Variants in GLS observed in about 807,000 individuals in gnomAD.
The protein encoded by GLS is glutaminase kidney isoform, mitochondrial.
A neutral mutation model predicts 86.7 loss-of-function variants in GLS; 36 were observed. The observed-to-expected ratio is 0.42, with a 90% confidence interval of 0.32 to 0.55. The LOEUF (loss-of-function observed/expected upper bound fraction) is 0.55, where lower values mean the gene tolerates loss of function less well. Ranked by LOEUF, GLS falls within the 20% of genes least tolerant of loss-of-function variation. The pLI is 0.17. For missense variants in GLS, 528 were observed against 833.4 expected, an observed-to-expected ratio of 0.63 and a Z score of 4.51; for synonymous variants, 317 against 305.9, an observed-to-expected ratio of 1.04 and a Z score of -0.38.
chr2:190,935,091 A>G lies in GLS; in HGVS notation c.1650+3454A>G. On this transcript the variant is annotated intron_variant, in intron 14 of 17. Coordinates refer to ENST00000320717, the MANE Select transcript of GLS (RefSeq NM_014905.5). The surrounding 1 kb of genome is among the most constrained non-coding windows in gnomAD (Gnocchi z 4.2). Reference sequence around the variant, plus strand: ...TTTCTTTTTTCTTTCTTTTTTTGGCATCATTAACATTTCATTTGAAATGCA... The same window carrying G: ...TTTCTTTTTTCTTTCTTTTTTTGGCGTCATTAACATTTCATTTGAAATGCA... The G allele has an allele frequency of 1.1e-6, 1 of 944,450 alleles. No homozygotes were observed. Among genetic ancestry groups the G allele is most frequent in the Non-Finnish European group, 1.3e-6 (1 of 792,978 alleles). The allele number at this position is 944,450 out of a possible 1,614,324, so 58.5% of individuals were successfully genotyped here. A position where few individuals can be genotyped will look rare whatever the true frequency, so the allele number is the denominator to read the frequency against.
At chr2:190,917,774 T>C (rs868725785) in intron 7 of GLS, among the ~76,000 whole-genome samples, 1 of 152,056 alleles carries the variant, frequency 6.6e-6, no homozygotes, top group Non-Finnish European at 1.5e-5. Flanking sequence ...TAGTGAACAG[T>C]AGTATTTTGA....
intron 14 of GLS, among the ~76,000 whole-genome samples, chr2:190,945,677 GA>G (rs770318287): frequency 5.4e-5 from 8 of 149,002 alleles, no homozygotes; most frequent in Middle Eastern, 3.5e-3. Flanking sequence ...AAAAAAAAAA[GA>G]AAAAAAAATT....
At chr2:190,929,399 G>A (rs1690025589) in intron 12 of GLS, among the ~76,000 whole-genome samples, 1 of 151,878 alleles carries the variant, frequency 6.6e-6, no homozygotes, top group South Asian at 2.1e-4. Flanking sequence ...CAATTTAGAT[G>A]TAACTGCTAT....
chr2:190,880,853 G>C lies in GLS; in HGVS notation c.-232G>C. ...AGCCTTAGGCGGAGCGAAGAGAACC[G>C]GTCGCGGCAATCCTAGCGCGCAGCA... On this transcript the variant is annotated 5_prime_UTR_variant, in exon 1 of 18. Transcript: ENST00000320717. The C allele has an allele frequency of 2.4e-6, 2 of 816,708 alleles. No homozygotes were observed. Among genetic ancestry groups the C allele is most frequent in the South Asian group, 1.5e-5 (1 of 68,290 alleles). 50.6% of individuals were successfully genotyped at this position (816,708 alleles called of 1,614,324 possible). A position where few individuals can be genotyped will look rare whatever the true frequency, so the allele number is the denominator to read the frequency against.
chr2:190,904,923 A>G (rs566233228), intron 5 of GLS, 81 bp from the exon 6 acceptor site: 1 of 819,576 alleles, frequency 1.2e-6, no homozygotes, highest in African/African-American at 1.7e-5. Context: ...AATTGTTAAC[A>G]TGTAAAAAGA....
At chr2:190,941,188 A>G (rs575966202) in intron 14 of GLS, among the ~76,000 whole-genome samples, 12 of 152,336 alleles carry the variant, frequency 7.9e-5, no homozygotes, top group Admixed American at 3.3e-4. Flanking sequence ...TGTGTTTGCA[A>G]TTAAGCAGGG....
chr2:190,911,544 C>T (rs1448652208), intron 7 of GLS, among the ~76,000 whole-genome samples: 6 of 151,988 alleles, frequency 3.9e-5, no homozygotes, highest in East Asian at 1.9e-4. Context: ...CTTGAAAATG[C>T]GATTATTTGC....
At chr2:190,946,434 A>T (rs1336975697) in intron 14 of GLS, among the ~76,000 whole-genome samples, 1 of 152,174 alleles carries the variant, frequency 6.6e-6, no homozygotes, top group Admixed American at 6.5e-5. Context: ...TACTGTACTG[A>T]GCTGGAAATG....
intron 1 of GLS, among the ~76,000 whole-genome samples, chr2:190,888,336 T>G (rs1688455782): frequency 6.6e-6 from 1 of 152,206 alleles, no homozygotes; most frequent in African/African-American, 2.4e-5. Flanking sequence ...CTTTAAAAAT[T>G]TAAAACTATG....
In GLS at chr2:190,934,836, C is replaced by G. The variant is rs141326532; in HGVS notation, c.1650+3199C>G. ...GTGTTTAGAAAATGTTAAGAATGAG[C>G]AGAAATTTTTATAGAAAAGTATAAA... On this transcript the variant is annotated intron_variant, in intron 14 of 17. Coordinates refer to ENST00000320717, the MANE Select transcript of GLS (RefSeq NM_014905.5). 34 of 972,850 alleles carry G rather than the reference C, an allele frequency of 3.5e-5. No individual in the cohort carries two copies. The African/African-American group carries it at 5.3e-4, about 15-fold the overall frequency. The allele number at this position is 972,850 out of a possible 1,614,324, so 60.3% of individuals were successfully genotyped here.
At chr2:190,929,282 G>T (rs568284919) in intron 12 of GLS, among the ~76,000 whole-genome samples, 1 of 151,222 alleles carries the variant, frequency 6.6e-6, no homozygotes, top group East Asian at 1.9e-4. Context: ...TTGTTTTCTA[G>T]TTGTAAAATA....
intron 7 of GLS, among the ~76,000 whole-genome samples, chr2:190,916,699 A>G (rs943011494): frequency 6.6e-6 from 1 of 152,200 alleles, no homozygotes; most frequent in African/African-American, 2.4e-5. Context: ...AGTCAATGCA[A>G]TTATTCAATA....
rs1690669568 is a variant in GLS at position 190,949,761 on chromosome 2, A to G, written c.1651-3804A>G. On this transcript the variant is annotated intron_variant, in intron 14 of 17. Coordinates refer to ENST00000320717, the MANE Select transcript of GLS (RefSeq NM_014905.5). This position sits in a 1 kb window ranked among gnomAD's most constrained non-coding sequence, Gnocchi z 4.0. ...TTTGCAATTTAATACCCAAAATTGA[A>G]TATTTGATGCCTTGAGGGAGAATAT... Among the ~76,000 whole-genome samples, 1 of 152,078 alleles carries G rather than the reference A, an allele frequency of 6.6e-6. No individual in the cohort carries two copies. The highest frequency in any genetic ancestry group is 2.4e-5 in the African/African-American group (1 of 41,406).
intron 1 of GLS, among the ~76,000 whole-genome samples, chr2:190,887,839 G>A (rs1277264618): frequency 6.6e-6 from 1 of 152,130 alleles, no homozygotes; most frequent in African/African-American, 2.4e-5. Context: ...TCATATGAGG[G>A]TCTCTTATTT....
chr2:190,881,523 C>T, intron 1 of GLS, 53 bp downstream of exon 1: 1 of 1,498,646 alleles, frequency 6.7e-7, no homozygotes, highest in Admixed American at 2.0e-5. Flanking sequence ...GGCCCGGGCT[C>T]AGGCTGTGTG....
At chr2:190,958,283 C>T (rs1348735446) in intron 17 of GLS, among the ~76,000 whole-genome samples, 1 of 152,104 alleles carries the variant, frequency 6.6e-6, no homozygotes, top group African/African-American at 2.4e-5. Context: ...GTGGTGATAT[C>T]CCCTTTATCA....
chr2:190,944,035 T>G (rs1182020894), intron 14 of GLS, among the ~76,000 whole-genome samples: 1 of 152,208 alleles, frequency 6.6e-6, no homozygotes, highest in Admixed American at 6.5e-5. Flanking sequence ...CCTTAAACTC[T>G]GAATTGAAAC....
chr2:190,905,019 T>G lies in GLS; in HGVS notation c.831T>G (p.Asp277Glu), dbSNP rs1347718156. 4 of 1,593,036 alleles carry G rather than the reference T, an allele frequency of 2.5e-6. No homozygotes were observed. The highest frequency in any genetic ancestry group is 3.4e-6 in the Non-Finnish European group (4 of 1,162,342). Residue 277 changes from aspartate to glutamate, a missense_variant, in exon 6 of 18, where the codon GAT becomes GAG. Asp to Glu is a conservative substitution (Grantham distance 45). Coordinates refer to ENST00000320717, the MANE Select transcript of GLS (RefSeq NM_014905.5). This position sits in a 1 kb window ranked among gnomAD's most constrained non-coding sequence, Gnocchi z 4.6. ...TTTTAAATAGGCATTCTACTGGAGATACCAAAGTTCCCTTCTGTCTTCAGT... is the reference window on the plus strand; with the variant it reads ...TTTTAAATAGGCATTCTACTGGAGAGACCAAAGTTCCCTTCTGTCTTCAGT... ...TVDGQRHSTG[D>E]TKVPFCLQSC...
intron 14 of GLS, among the ~76,000 whole-genome samples, chr2:190,952,783 A>G (rs574567033): frequency 4.6e-5 from 7 of 152,358 alleles, no homozygotes; most frequent in African/African-American, 1.4e-4. Flanking sequence ...TCTATGGTCA[A>G]TAGTTTAATT....
Sources: allele counts gnomAD v4.1 joint callset (sites outside exome capture counted in the v4.1 genomes callset), GRCh38; gene constraint gnomAD v4.1.1; non-coding constraint Gnocchi (gnomAD v3.1); transcripts MANE v1.5; gene names NCBI Gene and HGNC (gene_info 2026-07-23, HGNC 2026-07-21).